The following RC3H1 variants were observed in gnomAD, a reference collection of about 807,000 sequenced individuals.
The protein encoded by RC3H1 is roquin-1.
A neutral mutation model predicts 138.2 loss-of-function variants in RC3H1; 50 were observed. The ratio of observed to expected loss-of-function variants is 0.36; its 90% CI spans 0.29 to 0.46. The LOEUF is 0.46. RC3H1 is among the 20% of genes least tolerant of loss of function. The probability of loss-of-function intolerance (pLI) is 1.00; values close to 1 mark genes in which losing one functional copy is unlikely to be tolerated. For synonymous variants in RC3H1, 462 were observed against 489.1 expected, an observed-to-expected ratio of 0.94 and a Z score of 0.73; for missense variants, 1,031 against 1,388.1, an observed-to-expected ratio of 0.74 and a Z score of 4.09.
chr1:174,007,506 G>A (rs181513520), intron 1 of RC3H1, among the ~76,000 whole-genome samples: 2 of 151,958 alleles, frequency 1.3e-5, no homozygotes, highest in East Asian at 1.9e-4. Flanking sequence ...CTTTATCACC[G>A]AGGCTGGAGT....
chr1:173,987,794 C>G (rs1258710474), intron 2 of RC3H1, among the ~76,000 whole-genome samples: 1 of 151,890 alleles, frequency 6.6e-6, no homozygotes, highest in Non-Finnish European at 1.5e-5. Context: ...CTGTATATAA[C>G]CATCTGTATC....
intron 1 of RC3H1, among the ~76,000 whole-genome samples, chr1:174,012,029 G>A (rs968792097): frequency 4.6e-5 from 7 of 151,972 alleles, no homozygotes; most frequent in East Asian, 1.9e-4. Flanking sequence ...TGGGCAACAC[G>A]GCAAGACGCC....
intron 1 of RC3H1, among the ~76,000 whole-genome samples, chr1:174,002,353 A>C (rs957098040): frequency 6.6e-6 from 1 of 152,210 alleles, no homozygotes; most frequent in African/African-American, 2.4e-5. Context: ...ATCACAATGG[A>C]AAGAAAATCT....
At chr1:173,950,890 G>A (rs1659366514) in intron 14 of RC3H1, among the ~76,000 whole-genome samples, 1 of 151,630 alleles carries the variant, frequency 6.6e-6, no homozygotes, top group Non-Finnish European at 1.5e-5. Flanking sequence ...AAAAAAATTA[G>A]CTGGGTGTGG....
In RC3H1 at chr1:173,936,761, A is replaced by T. The variant is rs907591521; in HGVS notation, c.*1960T>A. On this transcript the variant is annotated 3_prime_UTR_variant, in exon 20 of 20. Coordinates refer to ENST00000367696, the MANE Select transcript of RC3H1 (RefSeq NM_172071.4). ...TATATATATATATATATATATATAT[A>T]TTTTTTTTTTTTTTTTTAAAAAAAG... The T allele has an allele frequency of 0.011, 197 of 18,528 alleles. 3 individuals are homozygous for T. The highest frequency in any genetic ancestry group is 0.038 in the Middle Eastern group (1 of 26). The allele number at this position is 18,528 out of a possible 1,614,324, so 1.1% of individuals were successfully genotyped here. A position where few individuals can be genotyped will look rare whatever the true frequency, so the allele number is the denominator to read the frequency against.
chr1:174,021,601 C>T (rs1291120908), intron 1 of RC3H1, among the ~76,000 whole-genome samples: 1 of 152,168 alleles, frequency 6.6e-6, no homozygotes, highest in African/African-American at 2.4e-5. Flanking sequence ...CCGTGAAATC[C>T]ACTTGGCCAA....
intron 2 of RC3H1, 42 bp downstream of exon 2, chr1:173,992,713 G>T (rs1407749989): frequency 2.8e-6 from 4 of 1,419,416 alleles, no homozygotes; most frequent in Admixed American, 3.5e-5. Flanking sequence ...GAGAGAGAGA[G>T]AGAGAGGGAG....
intron 8 of RC3H1, 121 bp from the exon 9 acceptor site, chr1:173,970,738 C>A (rs1660321928): frequency 3.4e-6 from 2 of 586,092 alleles, no homozygotes; most frequent in Admixed American, 7.2e-5. Flanking sequence ...ATTTAGATTA[C>A]CAAGAGCAAA....
chr1:174,017,801 A>AAAAAAAAAC (rs1661889094), intron 1 of RC3H1, among the ~76,000 whole-genome samples: 1 of 148,558 alleles, frequency 6.7e-6, no homozygotes, highest in African/African-American at 2.6e-5. Context: ...AAAAAAAAAA[A>AAAAAAAAAC]AAAAAAAAAC....
Position 173,933,100 on chromosome 1 carries a change from T to C in RC3H1, c.*5621A>G, listed in dbSNP as rs1208524637. On this transcript the variant is annotated 3_prime_UTR_variant, in exon 20 of 20. Coordinates refer to ENST00000367696, the MANE Select transcript of RC3H1 (RefSeq NM_172071.4). ...GGATAACAAACTCCACAGGATTTTA[T>C]TTTTCTAAATACACATTTTTGGACA... 11 of 152,118 alleles carry C rather than the reference T, an allele frequency of 7.2e-5. No individual in the cohort carries two copies. The highest frequency in any genetic ancestry group is 2.4e-4 in the African/African-American group (10 of 41,436). 9.4% of individuals were successfully genotyped at this position (152,118 alleles called of 1,614,324 possible). A position where few individuals can be genotyped will look rare whatever the true frequency, so the allele number is the denominator to read the frequency against.
Position 173,946,776 on chromosome 1 carries a change from T to C in RC3H1, c.2798A>G (p.Asn933Ser). The C allele has an allele frequency of 1.2e-6, 2 of 1,613,908 alleles. No individual in the cohort carries two copies. The highest frequency in any genetic ancestry group is 1.1e-5 in the South Asian group (1 of 91,070). ...WGASPYSPHQ[N>S]IPSQGHFSER... ...ACTGAAGTGTCCCTGAGAAGGTATG[T>C]TTTGATGAGGTGAATATGGAGAAGC... The change falls in exon 16 of 20, where the codon AAC (asparagine) becomes AGC (serine). Residue 933 changes from asparagine (N) to serine (S), a missense_variant. Physicochemically the swap from Asn to Ser is conservative, Grantham distance 46. Transcript: ENST00000367696.
chr1:174,018,783 GC>G (rs1374433533), intron 1 of RC3H1, among the ~76,000 whole-genome samples: 1 of 152,144 alleles, frequency 6.6e-6, no homozygotes, highest in Admixed American at 6.6e-5. Context: ...AGAATACCCT[GC>G]CAAGGAACAT....
intron 2 of RC3H1, among the ~76,000 whole-genome samples, chr1:173,986,017 C>CTATTAT (rs898140190): frequency 2.6e-5 from 4 of 151,852 alleles, no homozygotes; most frequent in East Asian, 1.9e-4. Flanking sequence ...TCAGTTTCCC[C>CTATTAT]TATTATTATT....
chr1:174,021,979 G>C (rs1661972522), intron 1 of RC3H1, 117 bp downstream of exon 1: 4 of 379,122 alleles, frequency 1.1e-5, no homozygotes, highest in Non-Finnish European at 1.9e-5. Context: ...CGCTGCCGCG[G>C]AGGAGCAGAG....
chr1:174,020,572 G>A (rs1354637180), intron 1 of RC3H1, among the ~76,000 whole-genome samples: 1 of 152,186 alleles, frequency 6.6e-6, no homozygotes, highest in Admixed American at 6.5e-5. Context: ...CCTTGCAGTT[G>A]AATGTTAACA....
rs1571178924 is a variant in RC3H1, at chr1:173,952,130, A to G, written c.2379T>C (p.Asp793=). Residue 793 remains aspartate (D), a synonymous_variant, in exon 14 of 20, where the codon GAT becomes GAC. Coordinates refer to ENST00000367696, the MANE Select transcript of RC3H1 (RefSeq NM_172071.4). ...ATTTCCCAGCTACCTTCAAGTCTTC[A>G]TCCAAAAACTACAGATGGAGAAAGA... ...PPTFHPEEFL[D]EDLKVAGKYK... The G allele has an allele frequency of 1.3e-6, 2 of 1,510,552 alleles. No individual in the cohort carries two copies. The highest frequency in any genetic ancestry group is 1.8e-6 in the Non-Finnish European group (2 of 1,128,878). 93.6% of individuals were successfully genotyped at this position (1,510,552 alleles called of 1,614,324 possible).
intron 13 of RC3H1, among the ~76,000 whole-genome samples, chr1:173,960,005 G>A (rs55762016): frequency 0.055 from 8,258 of 150,982 alleles, 300 homozygotes; most frequent in Non-Finnish European, 0.084. Context: ...TTACTCAGGA[G>A]GCTGGGGCAG....
chr1:173,962,755 T>C lies in RC3H1; in HGVS notation c.1832-660A>G, dbSNP rs573801940. On this transcript the variant is annotated intron_variant, in intron 11 of 19. Coordinates refer to ENST00000367696, the MANE Select transcript of RC3H1 (RefSeq NM_172071.4). ...GCACCTAACTCCTGCACTAAATCTC[T>C]TTCTGCTTAATATAGCTAAAATAAT... Among the ~76,000 whole-genome samples, 5 of 152,320 alleles carry C rather than the reference T, an allele frequency of 3.3e-5. No individual in the cohort carries two copies. The South Asian group carries it at 8.3e-4, about 25-fold the overall frequency.
intron 1 of RC3H1, among the ~76,000 whole-genome samples, chr1:173,998,795 T>A (rs1661508900): frequency 6.6e-6 from 1 of 152,106 alleles, no homozygotes; most frequent in South Asian, 2.1e-4. Flanking sequence ...ATTATCAAAA[T>A]AAAAAAATTA....
Sources: allele counts gnomAD v4.1 joint callset (sites outside exome capture counted in the v4.1 genomes callset), GRCh38; gene constraint gnomAD v4.1.1; transcripts MANE v1.5; gene names NCBI Gene and HGNC (gene_info 2026-07-23, HGNC 2026-07-21).